Variants in NEGR1 observed in about 807,000 individuals in gnomAD.
NEGR1 encodes neuronal growth regulator 1, also known as IgLON family member 4.
A neutral mutation model predicts 40.9 loss-of-function variants in NEGR1; 10 were observed. The ratio of observed to expected loss-of-function variants is 0.24; its 90% CI spans 0.15 to 0.42. The LOEUF (loss-of-function observed/expected upper bound fraction) is 0.42, where lower values mean the gene tolerates loss of function less well. Ranked by LOEUF, NEGR1 falls within the 10% of genes least tolerant of loss-of-function variation. The pLI, the probability that NEGR1 is intolerant of heterozygous loss-of-function variation, is 1.00. For missense variants in NEGR1, 352 were observed against 438.9 expected (o/e 0.80, Z 1.77); for synonymous variants, 185 against 166.8 (o/e 1.11, Z -0.84).
intron 1 of NEGR1, among the ~76,000 whole-genome samples, chr1:72,107,535 A>G (rs1321036830): frequency 6.6e-6 from 1 of 151,412 alleles, no homozygotes; most frequent in African/African-American, 2.4e-5. Flanking sequence ...CTAATTTTAG[A>G]TTTTTTTTAG....
intron 2 of NEGR1, among the ~76,000 whole-genome samples, chr1:71,883,920 C>A (rs516876): frequency 0.29 from 43,278 of 151,592 alleles, 6,321 homozygotes; most frequent in East Asian, 0.53. Context: ...TTGTTAGAAA[C>A]GAAAATATTT....
Position 71,855,056 on chromosome 1 carries a change from G to A in NEGR1, c.410-78759C>T, listed in dbSNP as rs529614361. Among the ~76,000 whole-genome samples the A allele has an allele frequency of 5.9e-5, 9 of 152,156 alleles. No individual in the cohort carries two copies. The South Asian group carries it at 1.0e-3, about 18-fold the overall frequency. ...TTTCTGTTGACCTGTGAGTTTTGAT[G>A]CTTGAATTTAAGATCCTCTACACTT... On this transcript the variant is annotated intron_variant, in intron 2 of 6. Coordinates refer to ENST00000357731, the MANE Select transcript of NEGR1 (RefSeq NM_173808.3).
intron 4 of NEGR1, among the ~76,000 whole-genome samples, chr1:71,626,540 C>G (rs1650786654): frequency 6.6e-6 from 1 of 151,892 alleles, no homozygotes; most frequent in Non-Finnish European, 1.5e-5. Context: ...ATGAACTCAT[C>G]ATTTTTATGG....
At chr1:71,592,126 G>T (rs1649520363) in intron 6 of NEGR1, among the ~76,000 whole-genome samples, 1 of 151,958 alleles carries the variant, frequency 6.6e-6, no homozygotes, top group Non-Finnish European at 1.5e-5. Flanking sequence ...ACAATTTGTT[G>T]GTTACTCAGC....
At chr1:71,845,101 T>C (rs1659361434) in intron 2 of NEGR1, among the ~76,000 whole-genome samples, 1 of 152,202 alleles carries the variant, frequency 6.6e-6, no homozygotes, top group Non-Finnish European at 1.5e-5. Context: ...TTGTTCTTAA[T>C]AAATAATGAC....
intron 1 of NEGR1, among the ~76,000 whole-genome samples, chr1:72,028,780 C>A (rs1351164341): frequency 6.6e-6 from 1 of 152,204 alleles, no homozygotes; most frequent in African/African-American, 2.4e-5. Context: ...ATATTCCCAC[C>A]ATATCCTACA....
chr1:71,759,596 C>CTTTTTTTT (rs71074804), intron 3 of NEGR1, among the ~76,000 whole-genome samples: 562 of 31,974 alleles, frequency 0.018, 213 homozygotes, highest in East Asian at 0.038. Context: ...TGCGTCCAGG[C>CTTTTTTTT]TTTTTTTTTT....
intron 3 of NEGR1, among the ~76,000 whole-genome samples, chr1:71,770,972 A>C (rs973758350): frequency 6.6e-6 from 1 of 152,168 alleles, no homozygotes; most frequent in Non-Finnish European, 1.5e-5. Flanking sequence ...AAGGATTATA[A>C]ATCATTCTAC....
chr1:71,814,144 G>A (rs999502153), intron 2 of NEGR1, among the ~76,000 whole-genome samples: 2 of 152,130 alleles, frequency 1.3e-5, no homozygotes, highest in African/African-American at 4.8e-5. Context: ...TTGAAGGGAT[G>A]TTGAATTTTA....
Position 71,722,059 on chromosome 1 carries a change from G to A in NEGR1, c.536-23920C>T, listed in dbSNP as rs371789783. On this transcript the variant is annotated intron_variant, in intron 3 of 6. Transcript: ENST00000357731. ...GTTTTTATTTTATTCTAAGCATAAC[G>A]AAATGACATTAGGGGACTTTTCAAC... Among the ~76,000 whole-genome samples, 20 of 152,162 alleles carry A rather than the reference G, an allele frequency of 1.3e-4. No individual in the cohort carries two copies. The South Asian group carries it at 1.5e-3, about 11-fold the overall frequency.
chr1:71,534,174 TA>T (rs1277911065), intron 6 of NEGR1, among the ~76,000 whole-genome samples: 2 of 151,548 alleles, frequency 1.3e-5, no homozygotes, highest in African/African-American at 4.8e-5. Flanking sequence ...CCTCCCTCTT[TA>T]AAAAAAATTT....
chr1:71,593,799 G>C (rs553701230), intron 5 of NEGR1, among the ~76,000 whole-genome samples: 1 of 151,962 alleles, frequency 6.6e-6, no homozygotes, highest in Non-Finnish European at 1.5e-5. Context: ...TTCTATTTCT[G>C]CTAGTCAGAT....
intron 2 of NEGR1, among the ~76,000 whole-genome samples, chr1:71,834,030 T>C (rs1210475630): frequency 1.3e-5 from 2 of 152,150 alleles, no homozygotes; most frequent in Non-Finnish European, 2.9e-5. Flanking sequence ...AAATGTTTGT[T>C]GAACAAATAA....
At chr1:71,788,303 C>T (rs1656985509) in intron 2 of NEGR1, among the ~76,000 whole-genome samples, 1 of 152,052 alleles carries the variant, frequency 6.6e-6, no homozygotes, top group South Asian at 2.1e-4. Flanking sequence ...GCTCCTAGAT[C>T]ATTAGTCACA....
At chr1:72,091,729 C>T (rs907268103) in intron 1 of NEGR1, among the ~76,000 whole-genome samples, 3 of 152,028 alleles carry the variant, frequency 2.0e-5, no homozygotes, top group South Asian at 2.1e-4. Context: ...GATCTGTTTG[C>T]GTTGCCACAA....
intron 1 of NEGR1, among the ~76,000 whole-genome samples, chr1:72,022,120 G>A (rs1646763645): frequency 6.6e-6 from 1 of 151,784 alleles, no homozygotes; most frequent in Non-Finnish European, 1.5e-5. Context: ...GGGTGACAGA[G>A]GGAGACCCCA....
chr1:71,471,728 C>T (rs1646783707), intron 6 of NEGR1, among the ~76,000 whole-genome samples: 1 of 152,064 alleles, frequency 6.6e-6, no homozygotes, highest in African/African-American at 2.4e-5. Context: ...AACTTCCCTG[C>T]CCAAAACAAT....
At chr1:72,245,087 G>A (rs1654862635) in intron 1 of NEGR1, among the ~76,000 whole-genome samples, 1 of 151,978 alleles carries the variant, frequency 6.6e-6, no homozygotes, top group African/African-American at 2.4e-5. Context: ...CAGGACAACC[G>A]TATTGGTCAA....
At chr1:71,772,947 T>C (rs914204729) in intron 3 of NEGR1, among the ~76,000 whole-genome samples, 1 of 152,066 alleles carries the variant, frequency 6.6e-6, no homozygotes, top group Non-Finnish European at 1.5e-5. Flanking sequence ...AAATATAGAA[T>C]GGAAAAAACA....
Sources: allele counts gnomAD v4.1 joint callset (sites outside exome capture counted in the v4.1 genomes callset), GRCh38; gene constraint gnomAD v4.1.1; transcripts MANE v1.5; gene names NCBI Gene and HGNC (gene_info 2026-07-23, HGNC 2026-07-21).